EDA: variants seen among roughly 807,000 people sequenced by gnomAD.
EDA encodes the protein ectodysplasin-A.
Under a neutral mutation model 23.6 loss-of-function variants are expected in EDA, and 2 were observed. The ratio of observed to expected loss-of-function variants is 0.08; its 90% CI spans 0.03 to 0.27. EDA has a LOEUF of 0.27. EDA is among the 10% of genes least tolerant of loss of function. The pLI, the probability that EDA is intolerant of heterozygous loss-of-function variation, is 1.00. For missense variants in EDA, 229 were observed against 324.2 expected, an observed-to-expected ratio of 0.71 and a Z score of 2.26; for synonymous variants, 131 against 132.0, an observed-to-expected ratio of 0.99 and a Z score of 0.05.
chrX:70,035,089 C>CA (rs1057460640), intron 7 of EDA, among the ~76,000 whole-genome samples: 1 of 111,804 alleles, frequency 8.9e-6, no homozygotes, highest in African/African-American at 3.3e-5. Flanking sequence ...GCAAATAGGG[C>CA]ATGGTTCTTA....
intron 1 of EDA, among the ~76,000 whole-genome samples, chrX:69,825,999 T>C (rs986620488): frequency 2.8e-5 from 3 of 107,534 alleles, no homozygotes; most frequent in Non-Finnish European, 1.9e-5. Context: ...TTCCATGTAG[T>C]TGAGTGGTTT....
chrX:69,671,626 G>T (rs1602274232), intron 1 of EDA, among the ~76,000 whole-genome samples: 1 of 111,739 alleles, frequency 8.9e-6, no homozygotes, highest in South Asian at 3.8e-4. Context: ...GTTCCAAGCT[G>T]ATTCTGAATG....
intron 1 of EDA, among the ~76,000 whole-genome samples, chrX:69,714,376 G>A (rs2012226948): frequency 9.0e-6 from 1 of 111,174 alleles, no homozygotes; most frequent in Admixed American, 9.6e-5. Context: ...GCTCACATAG[G>A]CTTTCACAGA....
At chrX:69,769,771 A>G (rs1185987534) in intron 1 of EDA, among the ~76,000 whole-genome samples, 2 of 111,004 alleles carry the variant, frequency 1.8e-5, no homozygotes, top group Non-Finnish European at 3.8e-5. Flanking sequence ...ATTCCTTTCT[A>G]TATATCCATA....
chrX:69,812,233 AGATGTAGTAGT>A (rs1270860130), intron 1 of EDA, among the ~76,000 whole-genome samples: 1 of 112,140 alleles, frequency 8.9e-6, no homozygotes, highest in Non-Finnish European at 1.9e-5. Flanking sequence ...CTGAAAATTA[AGATGTAGTAGT>A]GATATCCACT....
chrX:70,029,555 T>C lies in EDA; in HGVS notation c.741+17T>C, dbSNP rs756966486. On this transcript the variant is annotated intron_variant, in intron 5 of 7. Coordinates refer to ENST00000374552, the MANE Select transcript of EDA (RefSeq NM_001399.5). ...GAAAACCAGGTTGGCTGGGGATTGC[T>C]CTCTTCCTGGGTAGGAGGGAAAGCC... 7 of 1,210,120 alleles carry C rather than the reference T, an allele frequency of 5.8e-6. No homozygotes were observed. The highest frequency in any genetic ancestry group is 7.8e-6 in the Non-Finnish European group (7 of 893,670).
At chrX:69,990,486 G>C (rs1026293603) in intron 2 of EDA, among the ~76,000 whole-genome samples, 1 of 105,610 alleles carries the variant, frequency 9.5e-6, no homozygotes, top group Admixed American at 9.8e-5. Flanking sequence ...TATCTGCCAG[G>C]GGGGATGAAA....
intron 1 of EDA, among the ~76,000 whole-genome samples, chrX:69,909,810 G>T (rs1043537090): frequency 8.9e-6 from 1 of 112,065 alleles, no homozygotes; most frequent in African/African-American, 3.2e-5. Flanking sequence ...TATCATTTAG[G>T]ATGTCACCTG....
At chrX:69,910,936 G>C (rs2018257747) in intron 1 of EDA, among the ~76,000 whole-genome samples, 1 of 111,642 alleles carries the variant, frequency 9.0e-6, no homozygotes, top group South Asian at 3.8e-4. Context: ...CTGTTAGAAT[G>C]AGTAACATTT....
intron 1 of EDA, among the ~76,000 whole-genome samples, chrX:69,953,624 G>A (rs2018959469): frequency 9.0e-6 from 1 of 111,512 alleles, no homozygotes; most frequent in Non-Finnish European, 1.9e-5. Context: ...CCCCAAACTA[G>A]GAAAAACCCA....
At chrX:69,651,423 A>G (rs1185745359) in intron 1 of EDA, among the ~76,000 whole-genome samples, 2 of 107,916 alleles carry the variant, frequency 1.9e-5, no homozygotes, top group African/African-American at 6.8e-5. Flanking sequence ...GTATATCTTG[A>G]ACATACAGCT....
chrX:70,000,364 C>T (rs1292939051), intron 2 of EDA, among the ~76,000 whole-genome samples: 3 of 112,298 alleles, frequency 2.7e-5, no homozygotes, highest in Non-Finnish European at 5.6e-5. Flanking sequence ...TAGCAATCAC[C>T]GAGGTGGCCA....
At chrX:69,739,227 C>T (rs1482457600) in intron 1 of EDA, among the ~76,000 whole-genome samples, 2 of 111,213 alleles carry the variant, frequency 1.8e-5, no homozygotes, top group African/African-American at 6.5e-5. Context: ...CATTATATCA[C>T]TACATAATAT....
chrX:69,669,287 A>G (rs1398969237), intron 1 of EDA, among the ~76,000 whole-genome samples: 1 of 110,669 alleles, frequency 9.0e-6, no homozygotes. Flanking sequence ...GTTATTATTA[A>G]TAGGTAAAGA....
At chrX:69,697,156 G>A (rs759951646) in intron 1 of EDA, among the ~76,000 whole-genome samples, 10 of 111,766 alleles carry the variant, frequency 8.9e-5, no homozygotes, top group African/African-American at 2.9e-4. Context: ...CTAAAATGGC[G>A]TCAGCACCAA....
rs764031727 is a variant in EDA at position 69,893,905 on chromosome X, A to C, written c.397-63122A>C. Among the ~76,000 whole-genome samples the C allele has an allele frequency of 2.7e-5, 3 of 112,167 alleles. No homozygotes were observed. The South Asian group carries it at 1.1e-3, about 42-fold the overall frequency. On this transcript the variant is annotated intron_variant, in intron 1 of 7. Transcript: ENST00000374552. ...CTTGTAAAACAAAGGAGTTGGACCA[A>C]GATGAATTCTAAGGTCTCCCCCAGC...
At chrX:69,983,955 G>A (rs2019456275) in intron 2 of EDA, among the ~76,000 whole-genome samples, 1 of 104,164 alleles carries the variant, frequency 9.6e-6, no homozygotes, top group Admixed American at 1.1e-4. Flanking sequence ...TAGAACTCAG[G>A]ATTAAGAATC....
chrX:69,962,957 T>C (rs772720648), intron 2 of EDA, among the ~76,000 whole-genome samples: 46 of 111,820 alleles, frequency 4.1e-4, no homozygotes, highest in African/African-American at 1.5e-3. Context: ...CACTATGGCC[T>C]ACCTCATCAC....
intron 1 of EDA, among the ~76,000 whole-genome samples, chrX:69,921,586 A>G (rs186020490): frequency 9.0e-6 from 1 of 110,574 alleles, no homozygotes; most frequent in African/African-American, 3.3e-5. Context: ...AGGCTTGTTA[A>G]TTCACACCTC....
Sources: gnomAD v4.1 joint callset for allele counts (sites outside exome capture counted in the v4.1 genomes callset) on GRCh38, gnomAD v4.1.1 for gene constraint, MANE v1.5 for transcripts, NCBI Gene and HGNC (gene_info 2026-07-23, HGNC 2026-07-21) for gene names.